POU6F2: variants seen among roughly 807,000 people sequenced by gnomAD.
The protein encoded by POU6F2 is POU domain, class 6, transcription factor 2.
In POU6F2, 31 loss-of-function variants were observed where a neutral mutation model predicts 71.3. That is an observed-to-expected ratio of 0.43 (90% CI 0.33 to 0.59). POU6F2 has a LOEUF of 0.59. Among genes scored for constraint, POU6F2 ranks in the 20% least tolerant of loss-of-function variants. The pLI, the probability that POU6F2 is intolerant of heterozygous loss-of-function variation, is 0.04. For missense variants in POU6F2, 783 were observed against 856.8 expected (o/e 0.91, Z 1.07); for synonymous variants, 347 against 355.7 (o/e 0.98, Z 0.27).
At chr7:39,164,882 C>T (rs10234092) in intron 2 of POU6F2, among the ~76,000 whole-genome samples, 61,895 of 151,890 alleles carry the variant, frequency 0.41, 13,072 homozygotes, top group East Asian at 0.75. Flanking sequence ...GATAAGTCTT[C>T]TTTACCCTCA....
intron 1 of POU6F2, among the ~76,000 whole-genome samples, chr7:39,082,794 G>GCACACACACA (rs35710081): frequency 4.4e-3 from 603 of 137,146 alleles, no homozygotes; most frequent in Admixed American, 4.7e-3. Flanking sequence ...ACCATGTCAT[G>GCACACACACA]CACACACACA....
chr7:38,998,939 C>T (rs111436747), intron 1 of POU6F2, among the ~76,000 whole-genome samples: 3,518 of 151,098 alleles, frequency 0.023, 137 homozygotes, highest in African/African-American at 0.082. Flanking sequence ...GCTGGGATTA[C>T]AGGCGTGAGC....
intron 1 of POU6F2, among the ~76,000 whole-genome samples, chr7:39,067,580 T>C (rs759653879): frequency 1.8e-4 from 27 of 152,188 alleles, no homozygotes; most frequent in Non-Finnish European, 3.1e-4. Flanking sequence ...AATGTCATCA[T>C]CAATAAAATG....
At chr7:39,390,791 T>C (rs77526124) in intron 5 of POU6F2, among the ~76,000 whole-genome samples, 2,895 of 152,282 alleles carry the variant, frequency 0.019, 77 homozygotes, top group East Asian at 0.1. Context: ...TATCATCAAA[T>C]AATGTTGGGC....
chr7:39,152,295 C>T (rs1188920756), intron 2 of POU6F2, among the ~76,000 whole-genome samples: 1 of 152,064 alleles, frequency 6.6e-6, no homozygotes, highest in Middle Eastern at 3.2e-3. Flanking sequence ...TAAGTGACCC[C>T]CCAGCTAGTT....
At chr7:39,062,455 T>A (rs548961512) in intron 1 of POU6F2, among the ~76,000 whole-genome samples, 1 of 151,560 alleles carries the variant, frequency 6.6e-6, no homozygotes, top group African/African-American at 2.4e-5. Flanking sequence ...TTAGACTTTG[T>A]TATTGCCAAA....
Position 39,371,092 on chromosome 7 carries a change from T to C in POU6F2, c.972+31077T>C, listed in dbSNP as rs146433236. Among the ~76,000 whole-genome samples the C allele has an allele frequency of 1.5e-3, 235 of 152,084 alleles. 1 individual carries two copies. Among genetic ancestry groups the C allele is most frequent in the Middle Eastern group, 0.014 (4 of 294 alleles). On this transcript the variant is annotated intron_variant, in intron 5 of 9. Transcript: ENST00000518318. ...CTCTGCAGGGCATAGACCTGTGCAG[T>C]GGTGGAAGGAAGAATACTTATCTTT...
chr7:39,262,959 G>T (rs1784167968), intron 4 of POU6F2, among the ~76,000 whole-genome samples: 1 of 152,028 alleles, frequency 6.6e-6, no homozygotes, highest in South Asian at 2.1e-4. Flanking sequence ...AAAACAGACG[G>T]GTTTCCTAAG....
rs371619645 is a variant in POU6F2 at position 39,403,794 on chromosome 7, CACAG to C, written c.973-2800_973-2797del. On this transcript the variant is annotated intron_variant, in intron 5 of 9. Transcript: ENST00000518318. Reference sequence around the variant, plus strand: ...CATATTACATCCCTGCCTTGGCAGTCACAGACAGAGAAGCCAAAAGATATGTATG... The same window carrying C: ...CATATTACATCCCTGCCTTGGCAGTCACAGAGAAGCCAAAAGATATGTATG... 5.1e-4 allele frequency among the ~76,000 whole-genome samples: 77 copies of C among 152,322 alleles called. No individual in the cohort carries two copies. The Middle Eastern group carries it at 0.01, about 20-fold the overall frequency.
intron 1 of POU6F2, among the ~76,000 whole-genome samples, chr7:39,004,096 T>A (rs1254540261): frequency 1.3e-5 from 2 of 152,192 alleles, no homozygotes; most frequent in African/African-American, 4.8e-5. Context: ...TGATAACAAT[T>A]CATCTTGATG....
intron 5 of POU6F2, among the ~76,000 whole-genome samples, chr7:39,351,140 G>A (rs931865060): frequency 6.6e-6 from 1 of 152,226 alleles, no homozygotes; most frequent in Non-Finnish European, 1.5e-5. Flanking sequence ...GTATGATCTT[G>A]TAAATAGGCT....
At chr7:39,360,880 A>G (rs1786373993) in intron 5 of POU6F2, among the ~76,000 whole-genome samples, 1 of 152,174 alleles carries the variant, frequency 6.6e-6, no homozygotes, top group Non-Finnish European at 1.5e-5. Context: ...ACCAGAGGTC[A>G]TTCTCATGGC....
At chr7:39,041,972 T>A (rs1248313943) in intron 1 of POU6F2, among the ~76,000 whole-genome samples, 1 of 151,982 alleles carries the variant, frequency 6.6e-6, no homozygotes, top group Admixed American at 6.6e-5. Flanking sequence ...GGGCTGGATT[T>A]ACAAACGTTA....
intron 4 of POU6F2, among the ~76,000 whole-genome samples, chr7:39,317,094 C>T (rs2128768137): frequency 6.6e-6 from 1 of 152,302 alleles, no homozygotes; most frequent in Non-Finnish European, 1.5e-5. Context: ...TATTCCAGAG[C>T]AGGAATTTCT....
chr7:39,299,190 T>A (rs12701723), intron 4 of POU6F2, among the ~76,000 whole-genome samples: 69,565 of 151,998 alleles, frequency 0.46, 16,750 homozygotes, highest in Admixed American at 0.59. Flanking sequence ...AAACAAAAAT[T>A]AAAATTAAAT....
At chr7:39,352,809 A>T (rs1468377447) in intron 5 of POU6F2, among the ~76,000 whole-genome samples, 1 of 152,022 alleles carries the variant, frequency 6.6e-6, no homozygotes, top group East Asian at 1.9e-4. Flanking sequence ...GGTATATCAC[A>T]AGGTGCTGAG....
At position 39,262,002 on chromosome 7, in the gene POU6F2, G is replaced by A. The variant is rs529823659; in HGVS notation, c.598+54382G>A. Among the ~76,000 whole-genome samples the A allele has an allele frequency of 2.1e-3, 314 of 152,190 alleles. 1 individual carries two copies. Among genetic ancestry groups the A allele is most frequent in the African/African-American group, 6.8e-3 (284 of 41,494 alleles). ...ATGTGTTTTCTGAGTTGGCTGCTGC[G>A]GGAAGCAATATGGAAGGGTGGAGAA... On this transcript the variant is annotated intron_variant, in intron 4 of 9. Transcript: ENST00000518318.
intron 1 of POU6F2, among the ~76,000 whole-genome samples, chr7:39,077,813 T>A (rs1210501576): frequency 1.3e-5 from 2 of 152,224 alleles, no homozygotes; most frequent in Non-Finnish European, 2.9e-5. Flanking sequence ...GATAAAGTAT[T>A]GGGGATTAGT....
intron 4 of POU6F2, among the ~76,000 whole-genome samples, chr7:39,299,225 C>G (rs1784908863): frequency 6.6e-6 from 1 of 151,976 alleles, no homozygotes; most frequent in Non-Finnish European, 1.5e-5. Flanking sequence ...TTTAAACTAC[C>G]CTCACCTGCT....
Sources: allele counts gnomAD v4.1 joint callset (sites outside exome capture counted in the v4.1 genomes callset), GRCh38; gene constraint gnomAD v4.1.1; transcripts MANE v1.5; gene names NCBI Gene and HGNC (gene_info 2026-07-23, HGNC 2026-07-21).